Variants in PCDHA2 observed in about 807,000 individuals in gnomAD.
PCDHA2 encodes protocadherin alpha 2, also known as protocadherin alpha-2.
A neutral mutation model predicts 66.0 loss-of-function variants in PCDHA2; 58 were observed. The ratio of observed to expected loss-of-function variants is 0.88; its 90% CI spans 0.71 to 1.09. The LOEUF (loss-of-function observed/expected upper bound fraction) is 1.09. Ranked by LOEUF, PCDHA2 falls within the 50% of genes least tolerant of loss-of-function variation. The pLI is 0.00. For missense variants in PCDHA2, 1,267 were observed against 1,242.3 expected (o/e 1.02, Z -0.30); for synonymous variants, 634 against 554.0 (o/e 1.14, Z -2.03).
intron 3 of PCDHA2, among the ~76,000 whole-genome samples, chr5:140,993,523 CAGAG>C (rs111789518): frequency 3.4e-5 from 5 of 145,668 alleles, no homozygotes; most frequent in South Asian, 2.2e-4. Flanking sequence ...GAGAGAGAGA[CAGAG>C]AGAGAGAGAG....
chr5:140,845,255 G>A (rs1205445149), intron 1 of PCDHA2, among the ~76,000 whole-genome samples: 3 of 149,266 alleles, frequency 2.0e-5, no homozygotes, highest in Non-Finnish European at 4.5e-5. Context: ...TGAATAATAT[G>A]TGTTTTCCTT....
In PCDHA2 at chr5:140,851,054, T is replaced by C. The variant is rs1269980672; in HGVS notation, c.2388+53702T>C. The C allele has an allele frequency of 2.8e-5, 38 of 1,379,008 alleles. 5 individuals carry two copies. Among genetic ancestry groups the C allele is most frequent in the Non-Finnish European group, 3.5e-5 (37 of 1,051,766 alleles). The allele number at this position is 1,379,008 out of a possible 1,614,324, so 85.4% of individuals were successfully genotyped here. ...CTTAACATTGGAGCCGACTTTGTCT[T>C]GACTTCTAGTGAGAATTATAAACTG... On this transcript the variant is annotated intron_variant, in intron 1 of 3. Coordinates refer to ENST00000526136, the MANE Select transcript of PCDHA2 (RefSeq NM_018905.3).
At chr5:140,823,338 G>C (rs149205606) in intron 1 of PCDHA2, 29 of 1,612,112 alleles carry the variant, frequency 1.8e-5, no homozygotes, top group Non-Finnish European at 2.4e-5. Context: ...CGCTGCAGCC[G>C]CTGGACCACG....
intron 1 of PCDHA2, chr5:140,808,527 A>T: frequency 1.9e-6 from 3 of 1,614,152 alleles, no homozygotes; most frequent in South Asian, 2.2e-5. Flanking sequence ...GAGGTGGCTG[A>T]TGTGAACGAC....
chr5:140,802,882 C>T, intron 1 of PCDHA2: 1 of 1,613,756 alleles, frequency 6.2e-7, no homozygotes. Flanking sequence ...AACGACAACG[C>T]GCCGGCACTG....
chr5:140,968,652 A>G, intron 1 of PCDHA2: 1 of 1,614,118 alleles, frequency 6.2e-7, no homozygotes, highest in Non-Finnish European at 8.5e-7. Context: ...CAGACTTCTG[A>G]CCTGGACCTC....
chr5:140,900,845 C>CT (rs1284280086), intron 1 of PCDHA2, among the ~76,000 whole-genome samples: 1 of 152,106 alleles, frequency 6.6e-6, no homozygotes, highest in Non-Finnish European at 1.5e-5. Context: ...CAAAGTTTCC[C>CT]TTTTTTTCAC....
At chr5:140,857,896 T>C in intron 1 of PCDHA2, 1 of 1,597,704 alleles carries the variant, frequency 6.3e-7, no homozygotes, top group Non-Finnish European at 8.6e-7. Flanking sequence ...CGGCGGTTGG[T>C]GCACGCATCC....
chr5:140,884,708 T>C, intron 1 of PCDHA2: 1 of 1,479,044 alleles, frequency 6.8e-7, no homozygotes, highest in Non-Finnish European at 9.0e-7. Flanking sequence ...ACTTTAGCCT[T>C]CCTTGCAGTT....
intron 1 of PCDHA2, chr5:140,829,406 G>A: frequency 1.2e-6 from 2 of 1,614,116 alleles, no homozygotes; most frequent in South Asian, 1.1e-5. Flanking sequence ...GTGGGCCACC[G>A]CCAGCTTGTC....
rs782188760 is a variant in PCDHA2, at chr5:140,877,108, G to A, written c.2388+79756G>A. 2.5e-5 allele frequency: 41 copies of A among 1,613,540 alleles called. No individual in the cohort carries two copies. Among genetic ancestry groups the A allele is most frequent in the South Asian group, 1.1e-4 (10 of 91,052 alleles). ...GCGCGACGCCGGCGTGCCGCCTCTG[G>A]GCAGCAACGTGACGCTGCAGGTGTT... On this transcript the variant is annotated intron_variant, in intron 1 of 3. Transcript: ENST00000526136.
intron 1 of PCDHA2, among the ~76,000 whole-genome samples, chr5:140,798,420 A>G (rs1762325169): frequency 6.6e-6 from 1 of 152,214 alleles, no homozygotes; most frequent in Admixed American, 6.5e-5. Context: ...TAATTTGAAA[A>G]TATTAACATT....
Position 141,010,074 on chromosome 5 carries a change from G to C in PCDHA2, c.*137G>C. 6.2e-7 allele frequency: 1 copy of C among 1,607,844 alleles called. No homozygotes were observed. Among genetic ancestry groups the C allele is most frequent in the Non-Finnish European group, 8.5e-7 (1 of 1,176,754 alleles). On this transcript the variant is annotated 3_prime_UTR_variant, in exon 4 of 4. Transcript: ENST00000526136. ...CTCAGAAATCTGCAGAAAGTTCCCT[G>C]TGTCTGTCTAGAACGCATTTAACAG...
At chr5:140,999,143 A>G (rs2097848811) in intron 3 of PCDHA2, among the ~76,000 whole-genome samples, 1 of 152,214 alleles carries the variant, frequency 6.6e-6, no homozygotes, top group Non-Finnish European at 1.5e-5. Context: ...CACAGCCGGA[A>G]GTCTTCAGTC....
chr5:140,795,815 A>C lies in PCDHA2; in HGVS notation c.851A>C (p.Asp284Ala). 6.2e-7 allele frequency: 1 copy of C among 1,613,258 alleles called. No homozygotes were observed. Among genetic ancestry groups the C allele is most frequent in the Non-Finnish European group, 8.5e-7 (1 of 1,179,406 alleles). Residue 284 changes from aspartate to alanine, a missense_variant, in exon 1 of 4, where the codon GAT becomes GCT. By Grantham distance (126) the Asp-to-Ala change is moderately radical (BLOSUM62 -2). Coordinates refer to ENST00000526136, the MANE Select transcript of PCDHA2 (RefSeq NM_018905.3). ...GAGATTGTGTATTCACTCGGTAGTG[A>C]TGTGTCCTCCACTATACAGACTAAG... ...NSEIVYSLGS[D>A]VSSTIQTKFT...
chr5:140,815,441 A>G (rs2126664246), intron 1 of PCDHA2: 2 of 152,274 alleles, frequency 1.3e-5, no homozygotes, highest in East Asian at 3.9e-4. Flanking sequence ...CATCTTTACT[A>G]CAATCACAAA....
At position 140,856,216 on chromosome 5, in the gene PCDHA2, G is replaced by A. The variant is rs782147679; in HGVS notation, c.2388+58864G>A. ...CGCAGGACCTGGGGCTGGAGCTGGC[G>A]GAGCTGGTGCAGCGCCTGTTCCGGG... On this transcript the variant is annotated intron_variant, in intron 1 of 3. Coordinates refer to ENST00000526136, the MANE Select transcript of PCDHA2 (RefSeq NM_018905.3). The A allele has an allele frequency of 8.1e-6, 13 of 1,597,922 alleles. 1 individual carries two copies. The Admixed American group carries it at 1.5e-4, about 19-fold the overall frequency.
intron 1 of PCDHA2, chr5:140,856,890 G>GTATT: frequency 6.3e-7 from 1 of 1,596,172 alleles, no homozygotes; most frequent in Non-Finnish European, 8.6e-7. Context: ...TATTCATTTA[G>GTATT]CTCTTTGGTC....
At chr5:140,967,475 C>T (rs555659207) in intron 1 of PCDHA2, 1 of 1,613,342 alleles carries the variant, frequency 6.2e-7, no homozygotes, top group South Asian at 1.1e-5. Context: ...CATCCCAGCC[C>T]GCTCGGGTAC....
Sources: gnomAD v4.1 joint callset for allele counts (sites outside exome capture counted in the v4.1 genomes callset) on GRCh38, gnomAD v4.1.1 for gene constraint, MANE v1.5 for transcripts, NCBI Gene and HGNC (gene_info 2026-07-23, HGNC 2026-07-21) for gene names.